The following PRKD1 variants were observed in gnomAD, a reference collection of about 807,000 sequenced individuals.
The protein encoded by PRKD1 is serine/threonine-protein kinase D1.
Under a neutral mutation model 95.9 loss-of-function variants are expected in PRKD1, and 63 were observed. The observed-to-expected ratio is 0.66, with a 90% CI of 0.54 to 0.81. The LOEUF is 0.81. Among genes scored for constraint, PRKD1 ranks in the 30% least tolerant of loss-of-function variants. PRKD1 has a pLI of 0.00. For missense variants in PRKD1, 1,048 were observed against 1,165.3 expected, an observed-to-expected ratio of 0.90 and a Z score of 1.47; for synonymous variants, 425 against 423.1, an observed-to-expected ratio of 1.00 and a Z score of -0.05.
At chr14:29,790,292 G>T (rs1430860251) in intron 1 of PRKD1, among the ~76,000 whole-genome samples, 1 of 151,890 alleles carries the variant, frequency 6.6e-6, no homozygotes, top group Non-Finnish European at 1.5e-5. Flanking sequence ...AGTGTTTATG[G>T]GATTACAAGT....
chr14:29,609,506 G>GCACACACACACACACACA (rs150570301), intron 13 of PRKD1, among the ~76,000 whole-genome samples: 6 of 127,426 alleles, frequency 4.7e-5, no homozygotes, highest in Admixed American at 8.0e-5. Context: ...GTGTGTGCGT[G>GCACACACACACACACACA]CACACACACA....
chr14:29,826,561 G>GA (rs1338047563), intron 1 of PRKD1, among the ~76,000 whole-genome samples: 1 of 30,942 alleles, frequency 3.2e-5, no homozygotes, highest in African/African-American at 1.0e-4. Context: ...TATATATGAT[G>GA]GAATATATAT....
intron 1 of PRKD1, among the ~76,000 whole-genome samples, chr14:29,751,361 T>TG (rs768243841): frequency 6.6e-6 from 1 of 152,172 alleles, no homozygotes; most frequent in Non-Finnish European, 1.5e-5. Context: ...AGCTGGCTTC[T>TG]GGGGAATCTT....
In PRKD1 at chr14:29,849,603, C is replaced by T. The variant is rs190233828; in HGVS notation, c.264+77646G>A. Among the ~76,000 whole-genome samples, 450 of 150,516 alleles carry T rather than the reference C, an allele frequency of 3.0e-3. 4 individuals carry two copies. The highest frequency in any genetic ancestry group is 4.8e-3 in the Non-Finnish European group (325 of 67,644). ...AAAAAAAAAACTACCAATCAGAAAA[C>T]GCCCTAAACAGATGGATTAACAGCC... On this transcript the variant is annotated intron_variant, in intron 1 of 17. Transcript: ENST00000331968.
intron 1 of PRKD1, among the ~76,000 whole-genome samples, chr14:29,904,125 GC>G (rs1894415172): frequency 6.6e-6 from 1 of 152,062 alleles, no homozygotes; most frequent in Admixed American, 6.6e-5. Context: ...CAGCCTCTAG[GC>G]TGAAATCCCT....
At chr14:29,659,613 G>A (rs752387335) in intron 4 of PRKD1, among the ~76,000 whole-genome samples, 1 of 152,126 alleles carries the variant, frequency 6.6e-6, no homozygotes, top group African/African-American at 2.4e-5. Context: ...TAGTTGCTCA[G>A]TATCTTCCCC....
intron 2 of PRKD1, among the ~76,000 whole-genome samples, chr14:29,699,563 C>A (rs1884720029): frequency 6.6e-6 from 1 of 151,856 alleles, no homozygotes. Flanking sequence ...TAATCCTTTG[C>A]CTTTTATGGC....
At chr14:29,773,335 C>T (rs530990036) in intron 1 of PRKD1, among the ~76,000 whole-genome samples, 32 of 151,778 alleles carry the variant, frequency 2.1e-4, no homozygotes, top group African/African-American at 4.4e-4. Flanking sequence ...TGGCACGTGC[C>T]GGTAATCCTA....
rs575715955 is a variant in PRKD1 at position 29,808,596 on chromosome 14, C to CGA, written c.265-82923_265-82922insTC. On this transcript the variant is annotated intron_variant, in intron 1 of 17. Transcript: ENST00000331968. The stretch of plus-strand genomic sequence containing the variant: ...TGTATTTTTAGTAGAGATGGAGTTT[C>CGA]ACCATATTGGCCAGGCTGATCTCGA... 5.3e-5 allele frequency among the ~76,000 whole-genome samples: 8 copies of CGA among 151,652 alleles called. No homozygotes were observed. The East Asian group carries it at 1.6e-3, about 30-fold the overall frequency.
At chr14:29,604,772 G>C (rs761250022) in intron 13 of PRKD1, among the ~76,000 whole-genome samples, 19 of 152,158 alleles carry the variant, frequency 1.2e-4, no homozygotes, top group Non-Finnish European at 7.4e-5. Context: ...TCATCTTGCA[G>C]AGAACAGACA....
intron 2 of PRKD1, among the ~76,000 whole-genome samples, chr14:29,668,528 GC>G (rs1326760104): frequency 6.6e-6 from 1 of 152,136 alleles, no homozygotes; most frequent in Non-Finnish European, 1.5e-5. Context: ...AAAATGACAT[GC>G]TTTTCTTAGT....
chr14:29,826,800 TAC>T (rs1194110935), intron 1 of PRKD1, among the ~76,000 whole-genome samples: 506 of 40,810 alleles, frequency 0.012, 79 homozygotes, highest in African/African-American at 0.044. Context: ...CACATATATA[TAC>T]ACATATATAT....
At chr14:29,898,195 T>C (rs1894198847) in intron 1 of PRKD1, among the ~76,000 whole-genome samples, 1 of 152,180 alleles carries the variant, frequency 6.6e-6, no homozygotes, top group Admixed American at 6.5e-5. Context: ...CATTTATGTG[T>C]ATTTTTGCAC....
At chr14:29,815,955 C>T (rs778396303) in intron 1 of PRKD1, among the ~76,000 whole-genome samples, 21 of 152,160 alleles carry the variant, frequency 1.4e-4, no homozygotes, top group African/African-American at 3.1e-4. Flanking sequence ...CGCGGTGGCT[C>T]ACACCTGTAA....
intron 1 of PRKD1, among the ~76,000 whole-genome samples, chr14:29,899,543 A>C (rs1034274263): frequency 7.2e-5 from 11 of 152,278 alleles, no homozygotes; most frequent in African/African-American, 2.6e-4. Context: ...GCTACTCAGG[A>C]GGCTGAAGCA....
At chr14:29,726,787 TAA>T (rs796753846) in intron 1 of PRKD1, among the ~76,000 whole-genome samples, 1 of 141,278 alleles carries the variant, frequency 7.1e-6, no homozygotes, top group African/African-American at 2.6e-5. Flanking sequence ...TTAACTTCCT[TAA>T]AAAAAAAAAA....
At chr14:29,856,467 G>C (rs1892507816) in intron 1 of PRKD1, among the ~76,000 whole-genome samples, 1 of 152,052 alleles carries the variant, frequency 6.6e-6, no homozygotes, top group Admixed American at 6.5e-5. Context: ...ATTTTTATAG[G>C]GGATAAAAGT....
At chr14:29,707,240 T>C (rs926289751) in intron 2 of PRKD1, among the ~76,000 whole-genome samples, 6 of 152,018 alleles carry the variant, frequency 3.9e-5, no homozygotes, top group African/African-American at 1.5e-4. Flanking sequence ...TTACTAGGAT[T>C]ACACAATAGA....
intron 16 of PRKD1, among the ~76,000 whole-genome samples, chr14:29,594,431 C>T (rs1893231109): frequency 6.6e-6 from 1 of 152,138 alleles, no homozygotes; most frequent in African/African-American, 2.4e-5. Flanking sequence ...TCTTGGCTCA[C>T]CCCACGCCTG....
Sources: gnomAD v4.1 joint callset for allele counts (sites outside exome capture counted in the v4.1 genomes callset) on GRCh38, gnomAD v4.1.1 for gene constraint, MANE v1.5 for transcripts, NCBI Gene and HGNC (gene_info 2026-07-23, HGNC 2026-07-21) for gene names.